Variants in MMP25 observed in about 807,000 individuals in gnomAD.
MMP25 encodes matrix metallopeptidase 25.
A neutral mutation model predicts 62.1 loss-of-function variants in MMP25; 68 were observed. The ratio of observed to expected loss-of-function variants is 1.10; its 90% confidence interval spans 0.90 to 1.34. The LOEUF is 1.34. Among genes scored for constraint, MMP25 ranks in the 40% most tolerant of loss-of-function variants. The pLI, the probability that MMP25 is intolerant of heterozygous loss-of-function variation, is 0.00. For synonymous variants in MMP25, 407 were observed against 345.6 expected, an observed-to-expected ratio of 1.18 and a Z score of -1.97; for missense variants, 942 against 792.5, an observed-to-expected ratio of 1.19 and a Z score of -2.26.
intron 2 of MMP25, 41 bp downstream of exon 2, chr16:3,047,588 C>T (rs1485693851): frequency 1.2e-6 from 2 of 1,601,136 alleles, no homozygotes; most frequent in Non-Finnish European, 1.7e-6. Context: ...CCTCTGCACC[C>T]AGCCTGTCCA....
chr16:3,047,368 C>G (rs1955835196), intron 1 of MMP25, 47 bp from the exon 2 acceptor site: 2 of 1,581,740 alleles, frequency 1.3e-6, no homozygotes, highest in South Asian at 2.3e-5. Context: ...AGAGAGAGCC[C>G]ATACTTTTCA....
chr16:3,059,202 C>A lies in MMP25; in HGVS notation c.*104C>A. On this transcript the variant is annotated 3_prime_UTR_variant, in exon 10 of 10. Coordinates refer to ENST00000336577, the MANE Select transcript of MMP25 (RefSeq NM_022468.5). ...CGCTGCGGAGGCCCCTTGTCTGTTC[C>A]CACGGACGGGGGCTCGGGCGCGGAC... 7.6e-7 allele frequency: 1 copy of A among 1,322,162 alleles called. No individual in the cohort carries two copies. The highest frequency in any genetic ancestry group is 9.9e-7 in the Non-Finnish European group (1 of 1,005,778). The allele number at this position is 1,322,162 out of a possible 1,614,324, so 81.9% of individuals were successfully genotyped here.
chr16:3,047,591 C>G (rs1321773890), intron 2 of MMP25, 44 bp downstream of exon 2: 4 of 1,599,742 alleles, frequency 2.5e-6, no homozygotes, highest in African/African-American at 2.7e-5. Flanking sequence ...CTGCACCCAG[C>G]CTGTCCACCG....
chr16:3,046,889 C>A lies in MMP25; in HGVS notation c.-29C>A, dbSNP rs1177516442. On this transcript the variant is annotated 5_prime_UTR_variant, in exon 1 of 10. Coordinates refer to ENST00000336577, the MANE Select transcript of MMP25 (RefSeq NM_022468.5). ...GGCCCCAGCCAGGCCCCCTTCGAAC[C>A]CCGCCGGCGGCCCGGGCTGGGGCGC... The A allele has an allele frequency of 1.5e-6, 2 of 1,350,218 alleles. No homozygotes were observed. The highest frequency in any genetic ancestry group is 6.2e-5 in the East Asian group (2 of 32,354). 83.6% of individuals were successfully genotyped at this position (1,350,218 alleles called of 1,614,324 possible).
In MMP25 at chr16:3,058,164, C is replaced by G. The variant is rs777870178; in HGVS notation, c.1007-17C>G. On this transcript the variant is annotated splice_polypyrimidine_tract_variant and intron_variant, in intron 7 of 9. Coordinates refer to ENST00000336577, the MANE Select transcript of MMP25 (RefSeq NM_022468.5). ...TGCTGTCTCATGCCTTCCTGCGAACCCCTTTGTCCCCTGCAGGCCCCTGGT... is the reference window on the plus strand; with the variant it reads ...TGCTGTCTCATGCCTTCCTGCGAACGCCTTTGTCCCCTGCAGGCCCCTGGT... 29 of 1,607,254 alleles carry G rather than the reference C, an allele frequency of 1.8e-5. No homozygotes were observed. The East Asian group carries it at 2.7e-4, about 15-fold the overall frequency.
At position 3,058,557 on chromosome 16, in the gene MMP25, G is replaced by A; in HGVS notation, c.1305G>A (p.Gln435=). 1.2e-6 allele frequency: 2 copies of A among 1,610,900 alleles called. No individual in the cohort carries two copies. The highest frequency in any genetic ancestry group is 2.7e-5 in the African/African-American group (2 of 74,978). Residue 435 remains glutamine (Q), a synonymous_variant, in exon 9 of 10, where the codon CAG becomes CAA. Transcript: ENST00000336577. The part of the protein sequence containing the change: ...NGKTYLVRGR[Q]YWRYDEAAAR... ...AGACCTACCTGGTCCGCGGCCGGCA[G>A]TACTGGCGCTACGACGAGGCGGCGG...
At position 3,057,556 on chromosome 16, in the gene MMP25, T is replaced by C. The variant is rs778391131; in HGVS notation, c.949T>C (p.Cys317Arg). 3.7e-6 allele frequency: 6 copies of C among 1,613,938 alleles called. No homozygotes were observed. Among genetic ancestry groups the C allele is most frequent in the East Asian group, 4.5e-5 (2 of 44,894 alleles). ...HSPSFPIPDR[C>R]EGNFDAIANI... ...CCCATCCTTCCCCATCCCTGATCGA[T>C]GTGAGGGCAATTTTGACGCCATCGC... Residue 317 changes from cysteine to arginine, a missense_variant, in exon 7 of 10, where the codon TGT becomes CGT. Coordinates refer to ENST00000336577, the MANE Select transcript of MMP25 (RefSeq NM_022468.5).
rs766365146 is a variant in MMP25 at position 3,058,176 on chromosome 16, TGCA to T, written c.1007-3_1007-1del. 4 of 1,612,038 alleles carry T rather than the reference TGCA, an allele frequency of 2.5e-6. No individual in the cohort carries two copies. The highest frequency in any genetic ancestry group is 4.5e-5 in the East Asian group (2 of 44,686). ...CCTTCCTGCGAACCCCTTTGTCCCC[TGCA>T]GGCCCCTGGTTCTGGCGCCTCCAGC... is the stretch of plus-strand genomic sequence containing the variant. On this transcript the variant is annotated splice_acceptor_variant and splice_polypyrimidine_tract_variant and intron_variant, in intron 7 of 9. Coordinates refer to ENST00000336577, the MANE Select transcript of MMP25 (RefSeq NM_022468.5). LOFTEE classifies it high-confidence loss of function.
Position 3,050,059 on chromosome 16 carries a change from G to T in MMP25, c.283G>T (p.Val95Leu). The T allele has an allele frequency of 6.2e-7, 1 of 1,611,126 alleles. No individual in the cohort carries two copies. The highest frequency in any genetic ancestry group is 8.5e-7 in the Non-Finnish European group (1 of 1,179,926). The change falls in exon 3 of 10, where the codon GTG becomes TTG. Residue 95 changes from valine to leucine, a missense_variant. Val to Leu is a conservative substitution (Grantham distance 32, BLOSUM62 1). Coordinates refer to ENST00000336577, the MANE Select transcript of MMP25 (RefSeq NM_022468.5). ...TAAGCCCCGCTGCTCCCTGCCTGACGTGCTGGGGGTGGCGGGGCTGGTCAG... is the reference window on the plus strand; with the variant it reads ...TAAGCCCCGCTGCTCCCTGCCTGACTTGCTGGGGGTGGCGGGGCTGGTCAG... ...MRKPRCSLPD[V>L]LGVAGLVRRR...
chr16:3,057,985 G>C, intron 7 of MMP25, 196 bp from the exon 8 acceptor site: 2 of 635,026 alleles, frequency 3.1e-6, no homozygotes, highest in Non-Finnish European at 2.6e-6. Context: ...TTACAGGTCT[G>C]AGCCACCAGG....
Position 3,059,937 on chromosome 16 carries a change from T to G in MMP25, c.*839T>G. On this transcript the variant is annotated 3_prime_UTR_variant, in exon 10 of 10. Transcript: ENST00000336577. ...CCCTGGGCCCAGAACTGCCTTCCAT[T>G]CAATGGGGAACCCTTCTATCCCCAA... The G allele has an allele frequency of 6.6e-6, 1 of 152,194 alleles. No individual in the cohort carries two copies. Among genetic ancestry groups the G allele is most frequent in the East Asian group, 1.9e-4 (1 of 5,162 alleles). 9.4% of individuals were successfully genotyped at this position (152,194 alleles called of 1,614,324 possible). A position where few individuals can be genotyped will look rare whatever the true frequency, so the allele number is the denominator to read the frequency against.
At chr16:3,050,711 C>G (rs148076333) in intron 4 of MMP25, among the ~76,000 whole-genome samples, 165 bp downstream of exon 4, 2 of 152,314 alleles carry the variant, frequency 1.3e-5, no homozygotes, top group African/African-American at 2.4e-5. Flanking sequence ...ACTTCTGGCT[C>G]AAGCAATCCT....
In MMP25 at chr16:3,055,800, G is replaced by A. The variant is rs557041075; in HGVS notation, c.662-1233G>A. Reference sequence around the variant, plus strand: ...AACTGGGGCCTCCCTGTGGTGCTGCGGGGCTGTGTCTCTGTCTTGGTCTCT... The same window carrying A: ...AACTGGGGCCTCCCTGTGGTGCTGCAGGGCTGTGTCTCTGTCTTGGTCTCT... On this transcript the variant is annotated intron_variant, in intron 4 of 9. Coordinates refer to ENST00000336577, the MANE Select transcript of MMP25 (RefSeq NM_022468.5). The A allele has an allele frequency of 1.4e-3, 650 of 454,630 alleles. 3 individuals carry two copies. The highest frequency in any genetic ancestry group is 8.4e-3 in the African/African-American group (420 of 49,966). 28.2% of individuals were successfully genotyped at this position (454,630 alleles called of 1,614,324 possible). A position where few individuals can be genotyped will look rare whatever the true frequency, so the allele number is the denominator to read the frequency against.
chr16:3,047,586 C>G (rs766465107), intron 2 of MMP25, 39 bp downstream of exon 2: 2 of 1,601,990 alleles, frequency 1.2e-6, no homozygotes, highest in Non-Finnish European at 1.7e-6. Flanking sequence ...TGCCTCTGCA[C>G]CCAGCCTGTC....
At chr16:3,049,911 G>GA (rs879352147) in intron 2 of MMP25, 98 bp from the exon 3 acceptor site, 20 of 1,559,328 alleles carry the variant, frequency 1.3e-5, no homozygotes, top group Non-Finnish European at 1.6e-5. Flanking sequence ...TGAGCCCTCT[G>GA]AGCCTCAGTT....
rs1454592112 is a variant in MMP25, at chr16:3,059,053, G to A, written c.1644G>A (p.Pro548=). Reference sequence around the variant, plus strand: ...CAGGACGTTGGCCTGCTCCCATCCCGCTGCTCCTCTTGCCCCTGCTGGTGG... The same window carrying A: ...CAGGACGTTGGCCTGCTCCCATCCCACTGCTCCTCTTGCCCCTGCTGGTGG... The part of the protein sequence containing the change: ...QAAGRWPAPI[P]LLLLPLLVGG... The change falls in exon 10 of 10, where the codon CCG becomes CCA. Residue 548 remains proline (P), a synonymous_variant. Transcript: ENST00000336577. 6.4e-7 allele frequency: 1 copy of A among 1,551,300 alleles called. No individual in the cohort carries two copies. Among genetic ancestry groups the A allele is most frequent in the Non-Finnish European group, 8.7e-7 (1 of 1,147,032 alleles).
At position 3,060,394 on chromosome 16, in the gene MMP25, G is replaced by T. The variant is rs1222682614; in HGVS notation, c.*1296G>T. ...TCCACCCCAGGACCAATATGTTCAG[G>T]CCACACCGATGGCCTGAACCCCATG... On this transcript the variant is annotated 3_prime_UTR_variant, in exon 10 of 10. Transcript: ENST00000336577. The T allele has an allele frequency of 6.6e-6, 1 of 152,084 alleles. No individual in the cohort carries two copies. Among genetic ancestry groups the T allele is most frequent in the Non-Finnish European group, 1.5e-5 (1 of 68,020 alleles). The allele number at this position is 152,084 out of a possible 1,614,324, so 9.4% of individuals were successfully genotyped here. A position where few individuals can be genotyped will look rare whatever the true frequency, so the allele number is the denominator to read the frequency against.
chr16:3,058,395 C>A lies in MMP25; in HGVS notation c.1160-17C>A. On this transcript the variant is annotated splice_polypyrimidine_tract_variant and intron_variant, in intron 8 of 9. Coordinates refer to ENST00000336577, the MANE Select transcript of MMP25 (RefSeq NM_022468.5). The stretch of plus-strand genomic sequence containing the variant: ...CGCGGGGAGCCCACCCCTGACCTCC[C>A]GGCCTCCACCCTGCAGGGCCCCAGT... The A allele has an allele frequency of 6.6e-7, 1 of 1,514,902 alleles. No homozygotes were observed. Among genetic ancestry groups the A allele is most frequent in the Non-Finnish European group, 8.8e-7 (1 of 1,131,610 alleles). The allele number at this position is 1,514,902 out of a possible 1,614,324, so 93.8% of individuals were successfully genotyped here.
At position 3,050,669 on chromosome 16, in the gene MMP25, A is replaced by G. The variant is rs956782148; in HGVS notation, c.661+123A>G. ...TGCTCTGTTGCTCAGGCTAGAGTGCAGTGGTGCAATCATAGCTAACTGCAA... is the reference window on the plus strand; with the variant it reads ...TGCTCTGTTGCTCAGGCTAGAGTGCGGTGGTGCAATCATAGCTAACTGCAA... On this transcript the variant is annotated intron_variant, in intron 4 of 9. Transcript: ENST00000336577. 25 of 1,030,418 alleles carry G rather than the reference A, an allele frequency of 2.4e-5. No individual in the cohort carries two copies. In the East Asian group the frequency reaches 7.2e-4, roughly 30 times the overall value. The allele number at this position is 1,030,418 out of a possible 1,614,324, so 63.8% of individuals were successfully genotyped here.
Sources: gnomAD v4.1 joint callset for allele counts (sites outside exome capture counted in the v4.1 genomes callset) on GRCh38, gnomAD v4.1.1 for gene constraint, MANE v1.5 for transcripts, NCBI Gene and HGNC (gene_info 2026-07-23, HGNC 2026-07-21) for gene names.